PFKFB1: variants seen among roughly 807,000 people sequenced by gnomAD.
PFKFB1 encodes 6-phosphofructo-2-kinase/fructose-2,6-biphosphatase 1.
In PFKFB1, 34 loss-of-function variants were observed where a neutral mutation model predicts 46.4. The observed-to-expected ratio is 0.73, with a 90% CI of 0.56 to 0.98. PFKFB1 has a LOEUF of 0.98. Among genes scored for constraint, PFKFB1 ranks in the 50% least tolerant of loss-of-function variants. PFKFB1 has a pLI of 0.00. For missense variants in PFKFB1, 393 were observed against 376.3 expected (o/e 1.04, Z -0.37); for synonymous variants, 119 against 133.8 (o/e 0.89, Z 0.76).
chrX:54,937,481 G>C (rs1485617032), intron 11 of PFKFB1, 114 bp downstream of exon 11: 9 of 657,448 alleles, frequency 1.4e-5, no homozygotes, highest in Non-Finnish European at 2.0e-5. Flanking sequence ...TCTGAACCTA[G>C]GCATCCTTGT....
chrX:54,947,873 C>T (rs1413290377), intron 9 of PFKFB1, among the ~76,000 whole-genome samples: 1 of 110,458 alleles, frequency 9.1e-6, no homozygotes, highest in African/African-American at 3.3e-5. Flanking sequence ...ATGTCTCCCT[C>T]TCCCTCATCC....
At chrX:54,944,588 A>G (rs757633296) in intron 10 of PFKFB1, among the ~76,000 whole-genome samples, 1 of 112,168 alleles carries the variant, frequency 8.9e-6, no homozygotes, top group Non-Finnish European at 1.9e-5. Flanking sequence ...AGCTATATTA[A>G]TATCAGATAA....
At chrX:54,969,643 C>A (rs1934584584) in intron 1 of PFKFB1, among the ~76,000 whole-genome samples, 1 of 112,012 alleles carries the variant, frequency 8.9e-6, no homozygotes, top group South Asian at 3.7e-4. Context: ...GCTTCCTTAA[C>A]CAGATAAAGA....
chrX:54,941,764 G>C (rs1055151408), intron 10 of PFKFB1, among the ~76,000 whole-genome samples: 4 of 111,836 alleles, frequency 3.6e-5, no homozygotes, highest in Admixed American at 1.9e-4. Flanking sequence ...AGAGGATCTG[G>C]AGAAATAGGA....
intron 1 of PFKFB1, among the ~76,000 whole-genome samples, chrX:54,981,263 AC>A (rs769782626): frequency 1.3e-4 from 14 of 111,324 alleles, no homozygotes; most frequent in Non-Finnish European, 2.6e-4. Context: ...ACAAAAAAAA[AC>A]AAGCAACATT....
Position 54,945,422 on chromosome X carries a change from C to T in PFKFB1, c.1098+17G>A. The T allele has an allele frequency of 9.6e-7, 1 of 1,042,146 alleles. No homozygotes were observed. Among genetic ancestry groups the T allele is most frequent in the Non-Finnish European group, 1.3e-6 (1 of 747,916 alleles). 85.9% of individuals were successfully genotyped at this position (1,042,146 alleles called of 1,213,427 possible). A position where few individuals can be genotyped will look rare whatever the true frequency, so the allele number is the denominator to read the frequency against. ...TGGGGAGTAGTCCTAGGCATTAGGC[C>T]ACCCCGCAAACCTTACCTCTCCCTT... On this transcript the variant is annotated intron_variant, in intron 10 of 13. Coordinates refer to ENST00000375006, the MANE Select transcript of PFKFB1 (RefSeq NM_002625.4).
At chrX:54,953,678 A>G (rs1480819427) in intron 7 of PFKFB1, among the ~76,000 whole-genome samples, 1 of 111,528 alleles carries the variant, frequency 9.0e-6, no homozygotes, top group East Asian at 2.8e-4. Context: ...TGTTCCTAAC[A>G]CTAGGTCCTT....
Position 54,950,992 on chromosome X carries a change from T to G in PFKFB1, c.846+913A>C, listed in dbSNP as rs1424936803. ...CAGGAATGCCCACCCCACAGACCTG[T>G]GGTGAAGATGAAATGAGCCACACAT... On this transcript the variant is annotated intron_variant, in intron 8 of 13. Coordinates refer to ENST00000375006, the MANE Select transcript of PFKFB1 (RefSeq NM_002625.4). Among the ~76,000 whole-genome samples, 3 of 112,940 alleles carry G rather than the reference T, an allele frequency of 2.7e-5. No homozygotes were observed. The East Asian group carries it at 8.4e-4, about 32-fold the overall frequency.
At chrX:54,958,995 C>T in intron 4 of PFKFB1, 70 bp from the exon 5 acceptor site, 1 of 677,324 alleles carries the variant, frequency 1.5e-6, no homozygotes, top group Non-Finnish European at 2.4e-6. Context: ...TTTGCCCATC[C>T]CTGTGCTAAG....
chrX:54,971,558 C>T (rs1447955374), intron 1 of PFKFB1, among the ~76,000 whole-genome samples: 5 of 111,904 alleles, frequency 4.5e-5, no homozygotes, highest in African/African-American at 9.7e-5. Context: ...CTACATATGG[C>T]TAGCCAGTTT....
intron 7 of PFKFB1, among the ~76,000 whole-genome samples, chrX:54,954,701 G>A (rs190973932): frequency 1.2e-3 from 130 of 111,796 alleles, no homozygotes; most frequent in African/African-American, 4.1e-3. Context: ...TGTCACCAGA[G>A]TTGTGACCAA....
intron 3 of PFKFB1, among the ~76,000 whole-genome samples, 155 bp from the exon 4 acceptor site, chrX:54,960,048 C>T (rs533473046): frequency 5.3e-5 from 6 of 112,573 alleles, no homozygotes; most frequent in South Asian, 3.7e-4. Flanking sequence ...CTTTAGGCAC[C>T]GTGCTAAGCA....
At chrX:54,979,433 A>G (rs999000283) in intron 1 of PFKFB1, among the ~76,000 whole-genome samples, 2 of 111,796 alleles carry the variant, frequency 1.8e-5, no homozygotes, top group Non-Finnish European at 3.8e-5. Context: ...AATATAGAAG[A>G]GAGATTTCTA....
At chrX:54,943,678 G>A (rs1316565108) in intron 10 of PFKFB1, among the ~76,000 whole-genome samples, 1 of 111,245 alleles carries the variant, frequency 9.0e-6, no homozygotes, top group Non-Finnish European at 1.9e-5. Context: ...GTGAACCTGG[G>A]AGGTAGAGCT....
chrX:54,990,929 T>A (rs1317834732), intron 1 of PFKFB1, among the ~76,000 whole-genome samples: 2 of 112,190 alleles, frequency 1.8e-5, no homozygotes, highest in African/African-American at 6.5e-5. Flanking sequence ...AAACTCAGAA[T>A]AAACAGGAAC....
At chrX:54,940,288 C>A (rs1933572606) in intron 10 of PFKFB1, among the ~76,000 whole-genome samples, 1 of 111,617 alleles carries the variant, frequency 9.0e-6, no homozygotes, top group African/African-American at 3.3e-5. Flanking sequence ...CAGTATCATA[C>A]TGAATGGGCA....
intron 1 of PFKFB1, among the ~76,000 whole-genome samples, chrX:54,990,834 TAG>T (rs1174147330): frequency 1.8e-5 from 2 of 112,471 alleles, no homozygotes; most frequent in African/African-American, 6.4e-5. Flanking sequence ...TGGGTTAAAA[TAG>T]AAAATTAATG....
At chrX:54,991,571 GTTTGTATA>G (rs1248418152) in intron 1 of PFKFB1, among the ~76,000 whole-genome samples, 24 of 104,704 alleles carry the variant, frequency 2.3e-4, no homozygotes, top group African/African-American at 8.6e-4. Flanking sequence ...GTGTGTGTGT[GTTTGTATA>G]TGTGTGTAAC....
chrX:54,968,818 C>A (rs1358254619), intron 1 of PFKFB1, among the ~76,000 whole-genome samples: 1 of 110,993 alleles, frequency 9.0e-6, no homozygotes, highest in African/African-American at 3.3e-5. Flanking sequence ...AGCATCAATT[C>A]TATACAATCT....
Sources: allele counts gnomAD v4.1 joint callset (sites outside exome capture counted in the v4.1 genomes callset), GRCh38; gene constraint gnomAD v4.1.1; transcripts MANE v1.5; gene names NCBI Gene and HGNC (gene_info 2026-07-23, HGNC 2026-07-21).